Variants in CA13 observed in about 807,000 individuals in gnomAD.
The protein encoded by CA13 is CA-XIII.
Under a neutral mutation model 31.5 loss-of-function variants are expected in CA13, and 21 were observed. The observed-to-expected ratio is 0.67, with a 90% CI of 0.47 to 0.96. The LOEUF (loss-of-function observed/expected upper bound fraction) is 0.96. Ranked by LOEUF, CA13 falls within the 40% of genes least tolerant of loss-of-function variation. The pLI, the probability that CA13 is intolerant of heterozygous loss-of-function variation, is 0.00. For missense variants in CA13, 315 were observed against 318.9 expected (o/e 0.99, Z 0.09); for synonymous variants, 117 against 111.4 (o/e 1.05, Z -0.32).
intron 2 of CA13, among the ~76,000 whole-genome samples, chr8:85,251,622 C>A (rs1283831655): frequency 1.5e-5 from 1 of 64,956 alleles, no homozygotes; most frequent in African/African-American, 1.0e-4. Flanking sequence ...ACCTATAATG[C>A]CATTTAAGTA....
chr8:85,283,149 C>G lies in CA13; in HGVS notation c.*1800C>G, dbSNP rs968091833. The G allele has an allele frequency of 6.6e-6, 1 of 152,176 alleles. No individual in the cohort carries two copies. Among genetic ancestry groups the G allele is most frequent in the African/African-American group, 2.4e-5 (1 of 41,432 alleles). The allele number at this position is 152,176 out of a possible 1,614,324, so 9.4% of individuals were successfully genotyped here. ...ATGTTGGCCAGGCTGGTCTCAAACT[C>G]CTGACCTCAAGTGATCTGCCTGCCT... On this transcript the variant is annotated 3_prime_UTR_variant, in exon 7 of 7. Transcript: ENST00000321764.
At chr8:85,247,859 C>T (rs929205054) in intron 1 of CA13, among the ~76,000 whole-genome samples, 52 of 151,754 alleles carry the variant, frequency 3.4e-4, no homozygotes, top group African/African-American at 1.2e-3. Context: ...GCATGAGCCA[C>T]AGCTCTGGGC....
At chr8:85,251,169 T>C (rs892894571) in intron 2 of CA13, among the ~76,000 whole-genome samples, 1 of 151,998 alleles carries the variant, frequency 6.6e-6, no homozygotes, top group Non-Finnish European at 1.5e-5. Flanking sequence ...ACCCAGCTAC[T>C]TTTTTTGTAT....
rs989528686 is a variant in CA13, at chr8:85,281,522, T to G, written c.*173T>G. On this transcript the variant is annotated 3_prime_UTR_variant, in exon 7 of 7. Coordinates refer to ENST00000321764, the MANE Select transcript of CA13 (RefSeq NM_198584.3). ...CAGATCTCTCTCTCTTTTTTTTTTA[T>G]TTTTTTTAGTGATAGAGTCTCACTC... 2 of 1,270,888 alleles carry G rather than the reference T, an allele frequency of 1.6e-6. No individual in the cohort carries two copies. The highest frequency in any genetic ancestry group is 6.3e-4 in the Middle Eastern group (2 of 3,158). 78.7% of individuals were successfully genotyped at this position (1,270,888 alleles called of 1,614,324 possible). A position where few individuals can be genotyped will look rare whatever the true frequency, so the allele number is the denominator to read the frequency against.
At chr8:85,265,575 TTAG>T (rs757514021) in intron 3 of CA13, among the ~76,000 whole-genome samples, 3 of 151,992 alleles carry the variant, frequency 2.0e-5, no homozygotes, top group Non-Finnish European at 4.4e-5. Context: ...ATCTCCCTCC[TTAG>T]TAGCATCAGC....
intron 3 of CA13, among the ~76,000 whole-genome samples, chr8:85,259,921 T>A (rs1324331416): frequency 3.3e-5 from 5 of 152,116 alleles, no homozygotes; most frequent in Non-Finnish European, 7.3e-5. Context: ...GAAACATTTG[T>A]CTTAGTCCAA....
In CA13 at chr8:85,268,486, A is replaced by G. The variant is rs767501880; in HGVS notation, c.528A>G (p.Arg176=). 55 of 1,613,954 alleles carry G rather than the reference A, an allele frequency of 3.4e-5. No homozygotes were observed. Among genetic ancestry groups the G allele is most frequent in the Non-Finnish European group, 4.1e-5 (48 of 1,179,972 alleles). ...DSIKEKGKQT[R]FTNFDLLSLL... ...TGATCCTCCAGGGTAAACAAACTCG[A>G]TTCACAAATTTTGACCTATTGTCTC... is the stretch of plus-strand genomic sequence containing the variant. The change falls in exon 6 of 7, where the codon CGA becomes CGG. Residue 176 remains arginine, a synonymous_variant. Transcript: ENST00000321764.
intron 6 of CA13, among the ~76,000 whole-genome samples, chr8:85,275,085 A>G (rs1807583641): frequency 1.3e-5 from 2 of 152,144 alleles, no homozygotes; most frequent in African/African-American, 2.4e-5. Context: ...ATTGTCCCAC[A>G]GTGCACTTAG....
intron 6 of CA13, among the ~76,000 whole-genome samples, chr8:85,274,122 T>C (rs1807566960): frequency 1.3e-5 from 2 of 152,072 alleles, no homozygotes; most frequent in Admixed American, 1.3e-4. Flanking sequence ...GGAGGAGTTA[T>C]TCACCCCCTG....
chr8:85,248,471 A>G (rs979695684), intron 1 of CA13, among the ~76,000 whole-genome samples: 2 of 151,762 alleles, frequency 1.3e-5, no homozygotes, highest in East Asian at 1.9e-4. Flanking sequence ...AAAAAAAAAA[A>G]AAAGAAAAAG....
intron 6 of CA13, 145 bp from the exon 7 acceptor site, chr8:85,281,085 G>T: frequency 1.1e-6 from 1 of 940,506 alleles, no homozygotes; most frequent in Admixed American, 2.4e-5. Context: ...CAAAAGAGTT[G>T]CTTTATTATA....
chr8:85,263,925 G>A (rs539011401), intron 3 of CA13, among the ~76,000 whole-genome samples: 28 of 152,182 alleles, frequency 1.8e-4, no homozygotes, highest in African/African-American at 6.5e-4. Flanking sequence ...AGCCACTTTT[G>A]TACAAAGTTC....
In CA13 at chr8:85,245,770, C is replaced by G; in HGVS notation, c.-59C>G. The G allele has an allele frequency of 6.3e-7, 1 of 1,596,976 alleles. No homozygotes were observed. The highest frequency in any genetic ancestry group is 1.1e-5 in the South Asian group (1 of 90,716). On this transcript the variant is annotated 5_prime_UTR_variant, in exon 1 of 7. Transcript: ENST00000321764. Reference sequence around the variant, plus strand: ...AGGCTCCTTCCCGGGCCCCTCCCCGCTCCCTCCTCTTTCTCGCTGCTCAGT... The same window carrying G: ...AGGCTCCTTCCCGGGCCCCTCCCCGGTCCCTCCTCTTTCTCGCTGCTCAGT...
intron 6 of CA13, among the ~76,000 whole-genome samples, chr8:85,272,884 C>G (rs778779181): frequency 6.6e-6 from 1 of 152,114 alleles, no homozygotes; most frequent in African/African-American, 2.4e-5. Context: ...GTGGTGTGAT[C>G]TTGGTTCACT....
intron 1 of CA13, among the ~76,000 whole-genome samples, chr8:85,248,945 A>C (rs923546079): frequency 1.3e-5 from 2 of 152,210 alleles, no homozygotes; most frequent in African/African-American, 4.8e-5. Context: ...GGGGGAAAAA[A>C]GTCTAGGTTA....
Position 85,277,035 on chromosome 8 carries a change from C to T in CA13, c.670-4195C>T, listed in dbSNP as rs146666541. Among the ~76,000 whole-genome samples the T allele has an allele frequency of 5.3e-3, 812 of 152,268 alleles. 5 individuals are homozygous for T. The highest frequency in any genetic ancestry group is 0.018 in the African/African-American group (764 of 41,550). The stretch of plus-strand genomic sequence containing the variant: ...CAGGGATTGTAAACGCACCAATCAG[C>T]GCCCTGTCAAAATAGACCACTCGGC... On this transcript the variant is annotated intron_variant, in intron 6 of 6. Transcript: ENST00000321764.
intron 2 of CA13, 57 bp from the exon 3 acceptor site, chr8:85,259,364 A>G: frequency 2.1e-6 from 3 of 1,396,940 alleles, no homozygotes; most frequent in Admixed American, 3.4e-5. Context: ...TTGTGGTTTG[A>G]GCAGCTTATG....
intron 5 of CA13, 50 bp downstream of exon 5, chr8:85,268,014 A>G: frequency 8.6e-7 from 1 of 1,167,452 alleles, no homozygotes; most frequent in Non-Finnish European, 1.2e-6. Flanking sequence ...TCTCTCCCAC[A>G]TTCTCTTATC....
intron 6 of CA13, among the ~76,000 whole-genome samples, chr8:85,269,402 G>A (rs1303542988): frequency 6.6e-6 from 1 of 152,136 alleles, no homozygotes; most frequent in Non-Finnish European, 1.5e-5. Context: ...AGTGAGTCAG[G>A]ATCATGCCGC....
Sources: gnomAD v4.1 joint callset for allele counts (sites outside exome capture counted in the v4.1 genomes callset) on GRCh38, gnomAD v4.1.1 for gene constraint, MANE v1.5 for transcripts, NCBI Gene and HGNC (gene_info 2026-07-23, HGNC 2026-07-21) for gene names.